FSTL4: variants seen among roughly 807,000 people sequenced by gnomAD.
The protein encoded by FSTL4 is follistatin like 4.
Under a neutral mutation model 78.2 loss-of-function variants are expected in FSTL4, and 28 were observed. The observed-to-expected ratio is 0.36, with a 90% CI of 0.27 to 0.49. FSTL4 has a LOEUF of 0.49. Among genes scored for constraint, FSTL4 ranks in the 20% least tolerant of loss-of-function variants. The probability of loss-of-function intolerance (pLI) is 0.98; values close to 1 mark genes in which losing one functional copy is unlikely to be tolerated. For missense variants in FSTL4, 922 were observed against 1,084.9 expected (o/e 0.85, Z 2.11); for synonymous variants, 422 against 440.5 (o/e 0.96, Z 0.53).
At chr5:133,388,397 T>C (rs1320952007) in intron 4 of FSTL4, 1 of 152,248 alleles carries the variant, frequency 6.6e-6, no homozygotes, top group Non-Finnish European at 1.5e-5. Context: ...ATTCTACCAA[T>C]GTTCTTCATT....
intron 3 of FSTL4, among the ~76,000 whole-genome samples, chr5:133,532,755 G>A (rs1759281977): frequency 6.6e-6 from 1 of 152,160 alleles, no homozygotes; most frequent in African/African-American, 2.4e-5. Flanking sequence ...ATCAGTAGGG[G>A]CAATGTCACC....
chr5:133,750,273 C>T, the FSTL4 span, among the ~76,000 whole-genome samples: 5 of 152,120 alleles, frequency 3.3e-5, no homozygotes, highest in African/African-American at 9.7e-5. Flanking sequence ...AGTGCTTGCT[C>T]CATGAAGTAA....
chr5:133,679,302 T>A, the FSTL4 span, among the ~76,000 whole-genome samples: 1 of 152,122 alleles, frequency 6.6e-6, no homozygotes, highest in Non-Finnish European at 1.5e-5. Flanking sequence ...CTCGGTACAG[T>A]TTAGGCACAG....
chr5:133,456,617 A>C (rs1757496888), intron 3 of FSTL4, among the ~76,000 whole-genome samples: 1 of 152,198 alleles, frequency 6.6e-6, no homozygotes, highest in African/African-American at 2.4e-5. Flanking sequence ...AATAGTATGA[A>C]GCTTTCTTTC....
At chr5:133,823,843 C>T in the FSTL4 span, among the ~76,000 whole-genome samples, 1 of 152,188 alleles carries the variant, frequency 6.6e-6, no homozygotes, top group Non-Finnish European at 1.5e-5. Flanking sequence ...GAGAAAGGGC[C>T]AGATGGGAGG....
intron 6 of FSTL4, among the ~76,000 whole-genome samples, chr5:133,284,374 T>C (rs902927698): frequency 6.6e-6 from 1 of 152,208 alleles, no homozygotes; most frequent in Non-Finnish European, 1.5e-5. Context: ...TATCCTTCAA[T>C]TGTTGGAGTG....
chr5:133,376,019 G>C (rs1309859426), intron 4 of FSTL4, among the ~76,000 whole-genome samples: 1 of 152,170 alleles, frequency 6.6e-6, no homozygotes, highest in Non-Finnish European at 1.5e-5. Context: ...GACTCAATGC[G>C]ATACAAATCA....
intron 3 of FSTL4, among the ~76,000 whole-genome samples, chr5:133,454,394 G>C (rs539271661): frequency 6.6e-6 from 1 of 152,176 alleles, no homozygotes; most frequent in Non-Finnish European, 1.5e-5. Context: ...GCTTCAGCTG[G>C]AAGGGTGCTG....
the FSTL4 span, among the ~76,000 whole-genome samples, chr5:133,650,890 A>G: frequency 6.6e-6 from 1 of 152,222 alleles, no homozygotes; most frequent in Non-Finnish European, 1.5e-5. Context: ...AACATGAAAT[A>G]TCTCTTCATT....
At chr5:133,812,831 G>A in the FSTL4 span, among the ~76,000 whole-genome samples, 17,938 of 152,230 alleles carry the variant, frequency 0.12, 1,147 homozygotes, top group East Asian at 0.2. Flanking sequence ...AAAGTGCCTA[G>A]CACTTGGGAG....
the FSTL4 span, among the ~76,000 whole-genome samples, chr5:133,741,194 A>T: frequency 4.5e-4 from 69 of 152,342 alleles, 1 homozygote; most frequent in African/African-American, 1.5e-3. Flanking sequence ...CAAGTGTCTT[A>T]AACCATATTC....
At chr5:133,616,789 T>C (rs759322864), upstream of FSTL4, among the ~76,000 whole-genome samples, 11 of 152,224 alleles carry the variant, frequency 7.2e-5, no homozygotes, top group Non-Finnish European at 1.2e-4. Context: ...AAGACAACTA[T>C]CCAACCTTCA....
At chr5:133,716,021 T>C in the FSTL4 span, among the ~76,000 whole-genome samples, 7 of 152,340 alleles carry the variant, frequency 4.6e-5, no homozygotes, top group Non-Finnish European at 8.8e-5. Context: ...GAAAGAATTC[T>C]TAGATGTGCA....
rs142054023 is a variant in FSTL4 at position 133,220,476 on chromosome 5, G to A, written c.1458+272C>T. On this transcript the variant is annotated intron_variant, in intron 12 of 15. Transcript: ENST00000265342. ...GTCTGTTCACATTGCTGTCTCCATC[G>A]TTTGACTGTGAATTTCTGGAGGCCA... Among the ~76,000 whole-genome samples the A allele has an allele frequency of 2.0e-3, 309 of 152,330 alleles. 1 individual carries two copies. Among genetic ancestry groups the A allele is most frequent in the African/African-American group, 6.8e-3 (281 of 41,564 alleles).
chr5:133,550,718 C>A (rs1057028591), intron 3 of FSTL4, among the ~76,000 whole-genome samples: 8 of 152,172 alleles, frequency 5.3e-5, no homozygotes, highest in African/African-American at 1.9e-4. Flanking sequence ...CTCAGAATGT[C>A]TGGCTGTATA....
intron 6 of FSTL4, among the ~76,000 whole-genome samples, chr5:133,305,244 C>G (rs1753629476): frequency 6.6e-6 from 1 of 152,200 alleles, no homozygotes; most frequent in African/African-American, 2.4e-5. Context: ...GGACTCACCA[C>G]TCACTGGGCA....
At chr5:133,447,878 C>T (rs1251271006) in intron 3 of FSTL4, among the ~76,000 whole-genome samples, 1 of 152,178 alleles carries the variant, frequency 6.6e-6, no homozygotes, top group East Asian at 1.9e-4. Flanking sequence ...TTAGTGCAAG[C>T]TACATAATCC....
chr5:133,719,455 A>G, the FSTL4 span, among the ~76,000 whole-genome samples: 1 of 152,154 alleles, frequency 6.6e-6, no homozygotes, highest in African/African-American at 2.4e-5. Context: ...GGATCACCTG[A>G]GGTCGGGAGT....
chr5:133,397,531 G>A (rs564553798), intron 4 of FSTL4, among the ~76,000 whole-genome samples: 1 of 152,340 alleles, frequency 6.6e-6, no homozygotes, highest in South Asian at 2.1e-4. Context: ...CATAGCAACT[G>A]GAATGTGATA....
Sources: gnomAD v4.1 joint callset for allele counts (sites outside exome capture counted in the v4.1 genomes callset) on GRCh38, gnomAD v4.1.1 for gene constraint, MANE v1.5 for transcripts, NCBI Gene and HGNC (gene_info 2026-07-23, HGNC 2026-07-21) for gene names.